Variants in ERBB2 observed in about 807,000 individuals in gnomAD.
The protein encoded by ERBB2 is erb-b2 receptor tyrosine kinase 2.
A neutral mutation model predicts 149.0 loss-of-function variants in ERBB2; 61 were observed. The observed-to-expected ratio is 0.41, with a 90% CI of 0.33 to 0.51. ERBB2 has a LOEUF of 0.51. ERBB2 is among the 20% of genes least tolerant of loss of function. The pLI, the probability that ERBB2 is intolerant of heterozygous loss-of-function variation, is 0.25. For missense variants in ERBB2, 1,205 were observed against 1,655.1 expected (o/e 0.73, Z 4.72); for synonymous variants, 633 against 678.8 (o/e 0.93, Z 1.05).
intron 3 of ERBB2, among the ~76,000 whole-genome samples, chr17:39,708,756 G>A (rs2058614117): frequency 6.6e-6 from 1 of 152,188 alleles, no homozygotes; most frequent in South Asian, 2.1e-4. Context: ...GAGAATGCAG[G>A]CTGGGTTTTT....
At chr17:39,724,964 A>G (rs887328527) in intron 20 of ERBB2, 53 bp downstream of exon 20, 8 of 1,606,826 alleles carry the variant, frequency 5.0e-6, no homozygotes, top group Non-Finnish European at 6.8e-6. Context: ...CTATGTCCAC[A>G]AGGGGCTAGG....
At position 39,723,356 on chromosome 17, in the gene ERBB2, C is replaced by G. The variant is rs1483724551; in HGVS notation, c.1984C>G (p.Leu662Val). ...CATCATCTCTGCGGTGGTTGGCATT[C>G]TGCTGGTCGTGGTCTTGGGGGTGGT... ...TSIISAVVGILLVVVLGVVFG... is the reference protein window; with the variant it reads ...TSIISAVVGIVLVVVLGVVFG... The change falls in exon 17 of 27, where the codon CTG becomes GTG. Residue 662 changes from leucine to valine, a missense_variant. Transcript: ENST00000269571. This position sits in a 1 kb window ranked among gnomAD's most constrained non-coding sequence, Gnocchi z 6.2. 6.2e-7 allele frequency: 1 copy of G among 1,613,540 alleles called. No individual in the cohort carries two copies. Among genetic ancestry groups the G allele is most frequent in the East Asian group, 2.2e-5 (1 of 44,852 alleles).
At chr17:39,704,439 G>A (rs1331408838) in intron 1 of ERBB2, among the ~76,000 whole-genome samples, 3 of 152,176 alleles carry the variant, frequency 2.0e-5, no homozygotes, top group Non-Finnish European at 4.4e-5. Flanking sequence ...CAGGTGTGGT[G>A]TCAGGCACCC....
chr17:39,709,554 G>C (rs1045843242), intron 4 of ERBB2, 102 bp downstream of exon 4: 25 of 1,376,844 alleles, frequency 1.8e-5, no homozygotes, highest in Non-Finnish European at 2.4e-5. Context: ...TGCCCCAGCC[G>C]CCTACACCAC....
chr17:39,720,662 T>C (rs1445814433), intron 16 of ERBB2, among the ~76,000 whole-genome samples: 3 of 152,154 alleles, frequency 2.0e-5, no homozygotes, highest in African/African-American at 7.2e-5. Flanking sequence ...CTTTTTTTTA[T>C]TTTTTTGAGA....
chr17:39,725,038 T>C lies in ERBB2; in HGVS notation c.2494-11T>C, dbSNP rs372773414. Reference sequence around the variant, plus strand: ...CTCCCAGAAGGTCTACATGGGTGCTTCCCATTCCAGGGGATGAGCTACCTG... The same window carrying C: ...CTCCCAGAAGGTCTACATGGGTGCTCCCCATTCCAGGGGATGAGCTACCTG... On this transcript the variant is annotated splice_polypyrimidine_tract_variant and intron_variant, in intron 20 of 26. Coordinates refer to ENST00000269571, the MANE Select transcript of ERBB2 (RefSeq NM_004448.4). The surrounding 1 kb of genome is among the most constrained non-coding windows in gnomAD (Gnocchi z 4.6). The C allele has an allele frequency of 1.2e-6, 2 of 1,614,070 alleles. No individual in the cohort carries two copies. The highest frequency in any genetic ancestry group is 1.7e-6 in the Non-Finnish European group (2 of 1,180,012).
rs2145511563 is a variant in ERBB2, at chr17:39,710,268, T to A, written c.759+67T>A. On this transcript the variant is annotated intron_variant, in intron 6 of 26. Transcript: ENST00000269571. ...GGATGCAAGGGGTGGGCACCCTGCC[T>A]GGTACTGCCCTATTGCCCCTGGCAC... 3.1e-6 allele frequency: 5 copies of A among 1,609,316 alleles called. No homozygotes were observed. In the East Asian group the frequency reaches 1.1e-4, roughly 36 times the overall value.
At position 39,715,288 on chromosome 17, in the gene ERBB2, A is replaced by T; in HGVS notation, c.1151A>T (p.Asp384Val). ...LAFLPESFDG[D>V]PASNTAPLQP... ...GACTCCTCTCCTGACCCCTCCAGGG[A>T]CCCAGCCTCCAACACTGCCCCGCTC... Residue 384 changes from aspartate to valine, a missense_variant and splice_region_variant, in exon 10 of 27, where the codon GAC (aspartate) becomes GTC (valine). Asp to Val is a radical substitution (Grantham distance 152, BLOSUM62 -3). This residue lies in a region of ERBB2 where 569 missense variants were observed against 803.5 expected (regional missense o/e 0.71). Coordinates refer to ENST00000269571, the MANE Select transcript of ERBB2 (RefSeq NM_004448.4). 1 of 1,613,804 alleles carries T rather than the reference A, an allele frequency of 6.2e-7. No individual in the cohort carries two copies. Among genetic ancestry groups the T allele is most frequent in the Non-Finnish European group, 8.5e-7 (1 of 1,179,870 alleles).
At chr17:39,710,847 C>T (rs1386028417) in intron 7 of ERBB2, among the ~76,000 whole-genome samples, 1 of 152,216 alleles carries the variant, frequency 6.6e-6, no homozygotes, top group Non-Finnish European at 1.5e-5. Flanking sequence ...AGAACGGTGC[C>T]TGGTATGTAC....
At chr17:39,703,067 G>A (rs1490634386) in intron 1 of ERBB2, 5 of 152,320 alleles carry the variant, frequency 3.3e-5, no homozygotes, top group Non-Finnish European at 7.3e-5. Context: ...GCTGAGCTGG[G>A]GGCCCTGAGG....
At chr17:39,707,327 T>C in intron 2 of ERBB2, 186 bp downstream of exon 2, 1 of 514,214 alleles carries the variant, frequency 1.9e-6, no homozygotes, top group Non-Finnish European at 3.3e-6. Flanking sequence ...TGACTCTCTC[T>C]ATAACGTGGC....
chr17:39,705,751 C>A (rs1360040086), intron 1 of ERBB2, among the ~76,000 whole-genome samples: 1 of 152,178 alleles, frequency 6.6e-6, no homozygotes, highest in Non-Finnish European at 1.5e-5. Flanking sequence ...TAGGATTTGA[C>A]CTTAGGCTCC....
At chr17:39,705,046 T>C (rs1234271911) in intron 1 of ERBB2, among the ~76,000 whole-genome samples, 1 of 152,164 alleles carries the variant, frequency 6.6e-6, no homozygotes. Context: ...ACAAGCTTTA[T>C]GAGGCGAGAG....
At position 39,723,900 on chromosome 17, in the gene ERBB2, CT is replaced by C. The variant is rs766405006; in HGVS notation, c.2209-9del. 5.7e-5 allele frequency: 92 copies of C among 1,610,414 alleles called. No individual in the cohort carries two copies. Among genetic ancestry groups the C allele is most frequent in the Non-Finnish European group, 7.3e-5 (86 of 1,176,832 alleles). On this transcript the variant is annotated splice_polypyrimidine_tract_variant and intron_variant, in intron 18 of 26. Coordinates refer to ENST00000269571, the MANE Select transcript of ERBB2 (RefSeq NM_004448.4). This position sits in a 1 kb window ranked among gnomAD's most constrained non-coding sequence, Gnocchi z 6.2. ...ACGCTCTTCTCACTCATATCCTCCT[CT>C]TTCTGCCCAGGGCATCTGGATCCCT...
upstream of ERBB2, chr17:39,699,520 A>C: frequency 6.5e-7 from 1 of 1,533,734 alleles, no homozygotes; most frequent in Non-Finnish European, 8.7e-7. Flanking sequence ...AGACCCTCTT[A>C]AGATCATGCT....
At chr17:39,721,013 G>A (rs889278094) in intron 16 of ERBB2, among the ~76,000 whole-genome samples, 1 of 152,138 alleles carries the variant, frequency 6.6e-6, no homozygotes, top group Non-Finnish European at 1.5e-5. Flanking sequence ...TCTTGAATGT[G>A]GTGGTGTAAT....
chr17:39,707,410 A>G, intron 2 of ERBB2: 1 of 360,870 alleles, frequency 2.8e-6, no homozygotes, highest in East Asian at 4.4e-5. Context: ...CAGCATGATC[A>G]TGTCCCCTGT....
At chr17:39,710,246 T>G (rs2145510109) in intron 6 of ERBB2, 45 bp downstream of exon 6, 2 of 1,607,950 alleles carry the variant, frequency 1.2e-6, no homozygotes, top group Non-Finnish European at 1.7e-6. Flanking sequence ...CCCCCCAGGA[T>G]GCAAGGGGTG....
chr17:39,723,680 G>A lies in ERBB2; in HGVS notation c.2208+20G>A, dbSNP rs1447781115. ...TACAAGGTCAGGGCCAGGTCCTGGGGTGGGCGGCCCCAGAGGATGGGGGCG... is the reference window on the plus strand; with the variant it reads ...TACAAGGTCAGGGCCAGGTCCTGGGATGGGCGGCCCCAGAGGATGGGGGCG... On this transcript the variant is annotated intron_variant, in intron 18 of 26. Transcript: ENST00000269571. This position sits in a 1 kb window ranked among gnomAD's most constrained non-coding sequence, Gnocchi z 6.2. 2 of 1,594,794 alleles carry A rather than the reference G, an allele frequency of 1.3e-6. No individual in the cohort carries two copies. The highest frequency in any genetic ancestry group is 1.8e-5 in the Admixed American group (1 of 56,668).
Sources: gnomAD v4.1 joint callset for allele counts (sites outside exome capture counted in the v4.1 genomes callset) on GRCh38, gnomAD v4.1.1 for gene constraint, gnomAD v4.1.1 regional missense constraint, Gnocchi (gnomAD v3.1) non-coding constraint, MANE v1.5 for transcripts, NCBI Gene and HGNC (gene_info 2026-07-23, HGNC 2026-07-21) for gene names.